Variants in KANSL3 observed in about 807,000 individuals in gnomAD.
The protein encoded by KANSL3 is KAT8 regulatory NSL complex subunit 3.
In KANSL3, 16 loss-of-function variants were observed where a neutral mutation model predicts 89.2. The ratio of observed to expected loss-of-function variants is 0.18; its 90% CI spans 0.12 to 0.27. The LOEUF (loss-of-function observed/expected upper bound fraction) is 0.27. Ranked by LOEUF, KANSL3 falls within the 10% of genes least tolerant of loss-of-function variation. KANSL3 has a pLI of 1.00. For missense variants in KANSL3, 879 were observed against 1,110.6 expected, an observed-to-expected ratio of 0.79 and a Z score of 2.96; for synonymous variants, 385 against 419.7, an observed-to-expected ratio of 0.92 and a Z score of 1.01.
chr2:96,587,769 T>TG, the KANSL3 span, among the ~76,000 whole-genome samples: 1 of 152,026 alleles, frequency 6.6e-6, no homozygotes, highest in Non-Finnish European at 1.5e-5. Context: ...CAATGAGCAA[T>TG]ATCACACTAA....
intron 20 of KANSL3, chr2:96,600,312 GCATCATGGGA>G: frequency 2.0e-6 from 1 of 487,912 alleles, no homozygotes; most frequent in Non-Finnish European, 2.7e-6. Context: ...TCTAGGAGTA[GCATCATGGGA>G]AACTTTCCCT....
chr2:96,612,230 T>C (rs774398721), intron 9 of KANSL3, 52 bp downstream of exon 9: 2 of 1,234,288 alleles, frequency 1.6e-6, no homozygotes, highest in Non-Finnish European at 2.4e-6. Flanking sequence ...GTAGCTATGA[T>C]TAGTGGTATT....
rs1024353730 is a variant in KANSL3 at position 96,633,483 on chromosome 2, G to A, written c.216-2001C>T. Reference sequence around the variant, plus strand: ...ACTCAGGAGGCTGAGGCAGGAGAATGGCGTGAACCCGGGAGACGGAGGTTG... The same window carrying A: ...ACTCAGGAGGCTGAGGCAGGAGAATAGCGTGAACCCGGGAGACGGAGGTTG... On this transcript the variant is annotated intron_variant, in intron 2 of 20. Transcript: ENST00000431828. Among the ~76,000 whole-genome samples, 6 of 151,750 alleles carry A rather than the reference G, an allele frequency of 4.0e-5. No homozygotes were observed. In the East Asian group the frequency reaches 1.2e-3, roughly 30 times the overall value.
intron 3 of KANSL3, among the ~76,000 whole-genome samples, chr2:96,625,732 T>C (rs960645460): frequency 5.9e-5 from 9 of 152,304 alleles, no homozygotes; most frequent in Non-Finnish European, 8.8e-5. Flanking sequence ...GCTGGATATA[T>C]AACAAAGTGA....
chr2:96,638,179 A>C (rs1368743992), intron 1 of KANSL3, 104 bp downstream of exon 1: 1 of 120,254 alleles, frequency 8.3e-6, no homozygotes, highest in Non-Finnish European at 1.7e-5. Context: ...GGGCCCCCGC[A>C]TGCCCCGGGA....
rs1573385288 is a variant in KANSL3 at position 96,608,608 on chromosome 2, T to A, written c.1641A>T (p.Thr547=). The part of the protein sequence containing the change: ...PTSSPKTKVT[T]VTSAQKSSQI... The stretch of plus-strand genomic sequence containing the variant: ...GACTGGACTTCTGGGCAGAGGTCAC[T>A]GTGGTCACTTTGGTCTTGGGACTGG... The change falls in exon 14 of 21, where the codon ACA becomes ACT. Residue 547 remains threonine (T), a synonymous_variant. Coordinates refer to ENST00000431828, the MANE Select transcript of KANSL3 (RefSeq NM_001115016.3). 2 of 1,614,024 alleles carry A rather than the reference T, an allele frequency of 1.2e-6. No individual in the cohort carries two copies. The highest frequency in any genetic ancestry group is 2.2e-5 in the South Asian group (2 of 91,082).
chr2:96,598,024 A>G, intron 20 of KANSL3: 1 of 753,582 alleles, frequency 1.3e-6, no homozygotes, highest in Non-Finnish European at 1.6e-6. Context: ...AATGACCTCT[A>G]CTCTCTTCTC....
chr2:96,628,458 TAG>T, intron 3 of KANSL3: 2 of 198,600 alleles, frequency 1.0e-5, no homozygotes, highest in South Asian at 9.5e-5. Context: ...GAGACCAGCC[TAG>T]GCAACATGGT....
chr2:96,604,863 G>T lies in KANSL3; in HGVS notation c.1934C>A (p.Ala645Asp). 1 of 1,588,952 alleles carries T rather than the reference G, an allele frequency of 6.3e-7. No homozygotes were observed. Among genetic ancestry groups the T allele is most frequent in the Admixed American group, 1.8e-5 (1 of 56,226 alleles). ...CATGGTGATGGGCTTCCCACCTGCAGCTTCAAAACAGAAAACCCCAAGGCC... is the reference window on the plus strand; with the variant it reads ...CATGGTGATGGGCTTCCCACCTGCATCTTCAAAACAGAAAACCCCAAGGCC... Reference protein sequence around the residue: ...CAPSQGSAPEAAGGKPITMTL... With the variant: ...CAPSQGSAPEDAGGKPITMTL... The change falls in exon 16 of 21, where the codon GCT becomes GAT. Residue 645 changes from alanine to aspartate, a missense_variant and splice_region_variant. Coordinates refer to ENST00000431828, the MANE Select transcript of KANSL3 (RefSeq NM_001115016.3).
chr2:96,589,412 A>C (rs1290728695), downstream of KANSL3, among the ~76,000 whole-genome samples: 1 of 152,242 alleles, frequency 6.6e-6, no homozygotes, highest in African/African-American at 2.4e-5. Flanking sequence ...GTATAGTGTC[A>C]AATAAAGTAG....
chr2:96,601,660 G>A lies in KANSL3; in HGVS notation c.2599C>T (p.Leu867=). 3 of 1,613,452 alleles carry A rather than the reference G, an allele frequency of 1.9e-6. No individual in the cohort carries two copies. Among genetic ancestry groups the A allele is most frequent in the Non-Finnish European group, 2.5e-6 (3 of 1,179,672 alleles). Residue 867 remains leucine, a synonymous_variant, in exon 20 of 21, where the codon CTG becomes TTG. Transcript: ENST00000431828. ...APSEESSSQV[L]PSSSQRLPPA... ...AGACTCACCTGTGAGCTGGAGGGCA[G>A]CACCTGGGAAGAGGACTCCTCGGAT... is the stretch of plus-strand genomic sequence containing the variant.
chr2:96,611,027 G>T lies in KANSL3; in HGVS notation c.1161+37C>A, dbSNP rs559909070. On this transcript the variant is annotated intron_variant, in intron 10 of 20. Coordinates refer to ENST00000431828, the MANE Select transcript of KANSL3 (RefSeq NM_001115016.3). Reference sequence around the variant, plus strand: ...AGGCATGCACACTCGCGCTCCCACTGCCAATGACCCAGCACTCAGCTTTAC... The same window carrying T: ...AGGCATGCACACTCGCGCTCCCACTTCCAATGACCCAGCACTCAGCTTTAC... 5 of 1,603,628 alleles carry T rather than the reference G, an allele frequency of 3.1e-6. No individual in the cohort carries two copies. In the South Asian group the frequency reaches 3.3e-5, roughly 11 times the overall value.
the KANSL3 span, among the ~76,000 whole-genome samples, chr2:96,586,094 G>A: frequency 3.7e-4 from 56 of 151,974 alleles, no homozygotes; most frequent in Non-Finnish European, 6.9e-4. Flanking sequence ...GCGTGGTGGC[G>A]GGCACCTGTA....
the KANSL3 span, among the ~76,000 whole-genome samples, chr2:96,586,763 C>T: frequency 6.6e-6 from 1 of 152,182 alleles, no homozygotes; most frequent in Admixed American, 6.5e-5. Context: ...CCCTTCATGA[C>T]TCTTAATTGT....
intron 20 of KANSL3, among the ~76,000 whole-genome samples, chr2:96,600,193 T>C (rs2066983307): frequency 1.3e-5 from 2 of 151,990 alleles, no homozygotes. Context: ...TACAAAACAG[T>C]CCATACTCTG....
intron 16 of KANSL3, 46 bp from the exon 17 acceptor site, chr2:96,604,426 G>GCAAGCCCTAGCCCAAGCCCAAGCC (rs1188761881): frequency 6.3e-7 from 1 of 1,590,102 alleles, no homozygotes; most frequent in Non-Finnish European, 8.5e-7. Context: ...TCACAGGACA[G>GCAAGCCCTAGCCCAAGCCCAAGCC]CAAGCCCTAG....
Position 96,595,537 on chromosome 2 carries a change from C to T in KANSL3, c.*74G>A. 6.4e-7 allele frequency: 1 copy of T among 1,555,260 alleles called. No homozygotes were observed. On this transcript the variant is annotated 3_prime_UTR_variant, in exon 21 of 21. Transcript: ENST00000431828. ...CCGACACGTGGACAGCTCAGCAGGACCACACACCTGTCCAGGGCCCACCAT... is the reference window on the plus strand; with the variant it reads ...CCGACACGTGGACAGCTCAGCAGGATCACACACCTGTCCAGGGCCCACCAT...
intron 5 of KANSL3, chr2:96,615,165 C>CAAAAAAAAAAAAAAAAAAAAAAAA (rs35960339): frequency 1.4e-4 from 12 of 83,010 alleles, no homozygotes; most frequent in African/African-American, 6.3e-4. Flanking sequence ...GAGACTGTCT[C>CAAAAAAAAAAAAAAAAAAAAAAAA]AAAAAAAAAA....
intron 20 of KANSL3, among the ~76,000 whole-genome samples, chr2:96,596,267 A>C (rs1004185330): frequency 6.6e-6 from 1 of 152,244 alleles, no homozygotes; most frequent in African/African-American, 2.4e-5. Flanking sequence ...AATGTAGTAA[A>C]GGAGGGAAGG....
Sources: gnomAD v4.1 joint callset for allele counts (sites outside exome capture counted in the v4.1 genomes callset) on GRCh38, gnomAD v4.1.1 for gene constraint, MANE v1.5 for transcripts, NCBI Gene and HGNC (gene_info 2026-07-23, HGNC 2026-07-21) for gene names.